The following COCH variants were observed in gnomAD, a reference collection of about 807,000 sequenced individuals.
The protein encoded by COCH is cochlin.
In COCH, 40 loss-of-function variants were observed where a neutral mutation model predicts 54.8. The observed-to-expected ratio is 0.73, with a 90% confidence interval of 0.57 to 0.95. The LOEUF (loss-of-function observed/expected upper bound fraction) is 0.95, where lower values mean the gene tolerates loss of function less well. COCH is among the 40% of genes least tolerant of loss of function. The pLI, the probability that COCH is intolerant of heterozygous loss-of-function variation, is 0.00. For missense variants in COCH, 605 were observed against 675.0 expected (o/e 0.90, Z 1.15); for synonymous variants, 256 against 237.9 (o/e 1.08, Z -0.70).
At position 30,878,857 on chromosome 14, in the gene COCH, C is replaced by A. The variant is rs761156534; in HGVS notation, c.286C>A (p.Pro96Thr). 2 of 1,614,106 alleles carry A rather than the reference C, an allele frequency of 1.2e-6. No homozygotes were observed. The highest frequency in any genetic ancestry group is 2.2e-5 in the South Asian group (2 of 91,080). The change falls in exon 5 of 12, where the codon CCT becomes ACT. Residue 96 changes from proline to threonine, a missense_variant. Pro to Thr is a conservative substitution (Grantham distance 38). Coordinates refer to ENST00000396618, the MANE Select transcript of COCH (RefSeq NM_004086.3). ...GGGACCTGTACGAGTCTATAGCCTA[C>A]CTGGTCGAGAAAACTATTCCTCAGT... The part of the protein sequence containing the change: ...SGGPVRVYSL[P>T]GRENYSSVDA...
intron 4 of COCH, 104 bp from the exon 5 acceptor site, chr14:30,878,707 T>C (rs1026195845): frequency 2.0e-6 from 3 of 1,520,576 alleles, no homozygotes; most frequent in Admixed American, 3.6e-5. Flanking sequence ...TGATGAGCTA[T>C]TTTCTTGATT....
chr14:30,893,400 C>T (rs1896041941), downstream of COCH, among the ~76,000 whole-genome samples: 1 of 152,096 alleles, frequency 6.6e-6, no homozygotes, highest in South Asian at 2.1e-4. Context: ...GATCCACCCA[C>T]CTCGGCCTCC....
chr14:30,875,010 C>A (rs570207281), intron 2 of COCH, 38 bp downstream of exon 2: 1 of 1,612,996 alleles, frequency 6.2e-7, no homozygotes, highest in Non-Finnish European at 8.5e-7. Context: ...CCCCTTGCTC[C>A]GCTGGGTGGA....
intron 11 of COCH, among the ~76,000 whole-genome samples, chr14:30,886,892 A>T (rs750135690): frequency 1.1e-4 from 17 of 151,954 alleles, no homozygotes; most frequent in Non-Finnish European, 2.5e-4. Flanking sequence ...TAATTTTTAA[A>T]TTTTTTTGGG....
In COCH at chr14:30,890,605, G is replaced by A. The variant is rs543797568; in HGVS notation, c.*814G>A. On this transcript the variant is annotated 3_prime_UTR_variant, in exon 12 of 12. Coordinates refer to ENST00000396618, the MANE Select transcript of COCH (RefSeq NM_004086.3). ...GAATATTTAAGCAATAAAACTGCTA[G>A]TGAGTTATTGTAAGCTGGCTTACTT... 3.7e-4 allele frequency: 358 copies of A among 971,096 alleles called. 2 individuals are homozygous for A. In the African/African-American group the frequency reaches 6.1e-3, roughly 17 times the overall value. The allele number at this position is 971,096 out of a possible 1,614,324, so 60.2% of individuals were successfully genotyped here.
intron 5 of COCH, 58 bp from the exon 6 acceptor site, chr14:30,879,365 C>G (rs1011897478): frequency 2.0e-6 from 3 of 1,528,080 alleles, no homozygotes; most frequent in Non-Finnish European, 2.7e-6. Flanking sequence ...AAATTAGATT[C>G]ATAATACTTT....
chr14:30,885,042 G>A (rs760197913), intron 9 of COCH: 3 of 1,596,420 alleles, frequency 1.9e-6, no homozygotes, highest in Non-Finnish European at 2.5e-6. Flanking sequence ...CTTCTTAGAG[G>A]TACTAATCAG....
At chr14:30,883,081 GT>G (rs1226436151) in intron 8 of COCH, among the ~76,000 whole-genome samples, 2 of 152,072 alleles carry the variant, frequency 1.3e-5, no homozygotes, top group African/African-American at 4.8e-5. Flanking sequence ...AAATTTAACT[GT>G]TTTAACATAA....
downstream of COCH, among the ~76,000 whole-genome samples, chr14:30,892,645 T>G (rs1285626834): frequency 1.3e-5 from 2 of 152,088 alleles, no homozygotes; most frequent in Non-Finnish European, 2.9e-5. Flanking sequence ...CTGTCTCTAC[T>G]AAAAATACAA....
At chr14:30,882,120 G>GTTTTTTTTTTTTTTGTTTGTTTTTTT (rs1895620133) in intron 8 of COCH, among the ~76,000 whole-genome samples, 1 of 67,896 alleles carries the variant, frequency 1.5e-5, no homozygotes, top group African/African-American at 6.6e-5. Context: ...CTATAAAATG[G>GTTTTTTTTTTTTTTGTTTGTTTTTTT]TTTTTTTTTT....
intron 8 of COCH, among the ~76,000 whole-genome samples, chr14:30,881,782 C>T (rs1403165296): frequency 6.6e-6 from 1 of 150,748 alleles, no homozygotes; most frequent in Non-Finnish European, 1.5e-5. Flanking sequence ...CACGGGGAAA[C>T]CCCGTCTCTA....
Position 30,877,402 on chromosome 14 carries a change from T to C in COCH, c.83-170T>C. ...GACTATATTAAATTGGAAAACAACC[T>C]TGTGGCTTGCCAAAATCTGGAATGG... On this transcript the variant is annotated intron_variant, in intron 3 of 11. Transcript: ENST00000396618. The surrounding 1 kb of genome is among the most constrained non-coding windows in gnomAD (Gnocchi z 8.6). The C allele has an allele frequency of 1.3e-6, 1 of 761,490 alleles. No homozygotes were observed. The highest frequency in any genetic ancestry group is 2.1e-6 in the Non-Finnish European group (1 of 475,784). The allele number at this position is 761,490 out of a possible 1,614,324, so 47.2% of individuals were successfully genotyped here.
Position 30,880,605 on chromosome 14 carries a change from C to T in COCH, c.500C>T (p.Ala167Val), listed in dbSNP as rs775303808. 1.2e-6 allele frequency: 2 copies of T among 1,613,970 alleles called. No homozygotes were observed. Among genetic ancestry groups the T allele is most frequent in the Non-Finnish European group, 1.7e-6 (2 of 1,180,032 alleles). Residue 167 changes from alanine (A) to valine (V), a missense_variant, in exon 8 of 12, where the codon GCA becomes GTA. Ala to Val is a moderately conservative substitution (Grantham distance 64). Coordinates refer to ENST00000396618, the MANE Select transcript of COCH (RefSeq NM_004086.3). ...TGNKDCKADI[A>V]FLIDGSFNIG... is the part of the protein sequence containing the mutation. ...TTCGCAGATTGTAAAGCAGACATTG[C>T]ATTTCTGATTGATGGAAGCTTTAAT...
chr14:30,892,162 A>AAAAT (rs1172438135), downstream of COCH, among the ~76,000 whole-genome samples: 2 of 152,230 alleles, frequency 1.3e-5, no homozygotes, highest in African/African-American at 4.8e-5. Context: ...ACACATAATG[A>AAAAT]AAATAAGACA....
Position 30,889,740 on chromosome 14 carries a change from T to C in COCH, c.1602T>C (p.Val534=). The change falls in exon 12 of 12, where the codon GTT becomes GTC. Residue 534 remains valine, a synonymous_variant. Coordinates refer to ENST00000396618, the MANE Select transcript of COCH (RefSeq NM_004086.3). ...AGTTCACAGGATTAGAACCAATTGT[T>C]TCTGATGTCATCAGAGGCATTTGTA... ...TREFTGLEPI[V]SDVIRGICRD... is the part of the protein sequence containing the mutation. 1 of 1,613,610 alleles carries C rather than the reference T, an allele frequency of 6.2e-7. No individual in the cohort carries two copies.
chr14:30,894,205 A>G (rs1218848866), downstream of COCH: 1 of 152,402 alleles, frequency 6.6e-6, no homozygotes, highest in Non-Finnish European at 1.5e-5. Context: ...CTATTTTTGT[A>G]TCCTATTTGT....
Position 30,889,698 on chromosome 14 carries a change from T to C in COCH, c.1560T>C (p.His520=). The C allele has an allele frequency of 5.0e-6, 8 of 1,614,110 alleles. No individual in the cohort carries two copies. The highest frequency in any genetic ancestry group is 5.9e-6 in the Non-Finnish European group (7 of 1,179,946). Residue 520 remains histidine, a synonymous_variant, in exon 12 of 12, where the codon CAT becomes CAC. Transcript: ENST00000396618. The stretch of plus-strand genomic sequence containing the variant: ...TGGCTTCTAAACCGAAGGAGTCTCA[T>C]GCTTTCTTCACAAGAGAGTTCACAG... The part of the protein sequence containing the change: ...KDMASKPKES[H]AFFTREFTGL...
rs367884240 is a variant in COCH, at chr14:30,886,081, C to A, written c.1246C>A (p.Arg416Ser). ...IAAVQFTYDQRTEFSFTDYST... is the reference protein window; with the variant it reads ...IAAVQFTYDQSTEFSFTDYST... ...TGCTGTACAGTTTACTTATGATCAGCGCACGGAGTTCAGTTTCACTGACTA... is the reference window on the plus strand; with the variant it reads ...TGCTGTACAGTTTACTTATGATCAGAGCACGGAGTTCAGTTTCACTGACTA... Residue 416 changes from arginine (R) to serine (S), a missense_variant, in exon 11 of 12, where the codon CGC becomes AGC. Arg to Ser is a moderately radical substitution (Grantham distance 110). Transcript: ENST00000396618. 7.4e-6 allele frequency: 12 copies of A among 1,614,204 alleles called. No individual in the cohort carries two copies. Among genetic ancestry groups the A allele is most frequent in the East Asian group, 2.2e-5 (1 of 44,886 alleles).
At chr14:30,875,163 A>G (rs1895310138) in intron 3 of COCH, 60 bp downstream of exon 3, 1 of 1,539,698 alleles carries the variant, frequency 6.5e-7, no homozygotes, top group Admixed American at 2.0e-5. Flanking sequence ...CAGCGGGTAC[A>G]AGCGGGACTC....
Sources: allele counts gnomAD v4.1 joint callset (sites outside exome capture counted in the v4.1 genomes callset), GRCh38; gene constraint gnomAD v4.1.1; non-coding constraint Gnocchi (gnomAD v3.1); transcripts MANE v1.5; gene names NCBI Gene and HGNC (gene_info 2026-07-23, HGNC 2026-07-21).